APBB2: variants seen among roughly 807,000 people sequenced by gnomAD.
The protein encoded by APBB2 is amyloid beta precursor protein binding family B member 2.
APBB2 carries 38 observed loss-of-function variants against 82.5 expected under a neutral mutation model. The ratio of observed to expected loss-of-function variants is 0.46; its 90% CI spans 0.36 to 0.60. APBB2 has a LOEUF of 0.60. APBB2 is among the 20% of genes least tolerant of loss of function. The probability of loss-of-function intolerance (pLI) is 0.00; values close to 1 mark genes in which losing one functional copy is unlikely to be tolerated. For synonymous variants in APBB2, 341 were observed against 368.2 expected (o/e 0.93, Z 0.85); for missense variants, 772 against 972.3 (o/e 0.79, Z 2.74).
intron 2 of APBB2, among the ~76,000 whole-genome samples, chr4:41,124,295 T>C (rs907289234): frequency 2.0e-5 from 3 of 152,194 alleles, no homozygotes; most frequent in South Asian, 2.1e-4. Context: ...CTCGGCTCAC[T>C]GCAAGCTCCG....
At chr4:40,842,284 G>T in intron 12 of APBB2, 1 of 418,886 alleles carries the variant, frequency 2.4e-6, no homozygotes, top group South Asian at 1.6e-5. Context: ...TGTGAGGATG[G>T]CAATGCGACA....
chr4:40,885,967 A>G (rs1770109626), intron 12 of APBB2, among the ~76,000 whole-genome samples: 1 of 152,184 alleles, frequency 6.6e-6, no homozygotes, highest in African/African-American at 2.4e-5. Flanking sequence ...CCGTGGATTA[A>G]TCACTGATAG....
intron 12 of APBB2, chr4:40,848,944 A>G: frequency 1.0e-6 from 1 of 983,632 alleles, no homozygotes; most frequent in Non-Finnish European, 1.2e-6. Flanking sequence ...CTCCACCAAG[A>G]AAGTAAAGCT....
At chr4:40,936,155 A>G (rs1785317485) in intron 7 of APBB2, among the ~76,000 whole-genome samples, 1 of 152,250 alleles carries the variant, frequency 6.6e-6, no homozygotes, top group Admixed American at 6.5e-5. Context: ...ATAATGACCC[A>G]TAACTTTTAC....
At chr4:40,905,335 G>A (rs953546529) in intron 10 of APBB2, among the ~76,000 whole-genome samples, 9 of 152,100 alleles carry the variant, frequency 5.9e-5, no homozygotes, top group African/African-American at 7.2e-5. Flanking sequence ...CAGCGCACAC[G>A]CAATCATACA....
chr4:41,008,655 T>C (rs1807463912), intron 6 of APBB2, among the ~76,000 whole-genome samples: 1 of 152,226 alleles, frequency 6.6e-6, no homozygotes, highest in African/African-American at 2.4e-5. Context: ...ATCATGAATA[T>C]TCATTGAGCT....
chr4:40,936,785 C>T (rs577292915), intron 7 of APBB2, among the ~76,000 whole-genome samples: 58 of 152,296 alleles, frequency 3.8e-4, no homozygotes, highest in African/African-American at 1.3e-3. Flanking sequence ...TACCTTTCCC[C>T]TCACTCTACC....
intron 1 of APBB2, among the ~76,000 whole-genome samples, chr4:41,163,737 C>A (rs780810253): frequency 8.5e-5 from 13 of 152,156 alleles, no homozygotes; most frequent in Non-Finnish European, 1.5e-4. Flanking sequence ...ATTTTGATTT[C>A]TCTGAGGCCT....
At chr4:41,168,115 A>G (rs1767175183) in intron 1 of APBB2, among the ~76,000 whole-genome samples, 2 of 151,974 alleles carry the variant, frequency 1.3e-5, no homozygotes, top group South Asian at 2.1e-4. Flanking sequence ...CTAAAAATAC[A>G]AAAATTGGCC....
chr4:40,881,043 C>G (rs1420642956), intron 12 of APBB2: 2 of 985,260 alleles, frequency 2.0e-6, no homozygotes, highest in Non-Finnish European at 2.4e-6. Context: ...TTATTCTGTG[C>G]TGAAAGTATT....
At chr4:41,165,216 T>C (rs1326367974) in intron 1 of APBB2, among the ~76,000 whole-genome samples, 1 of 152,162 alleles carries the variant, frequency 6.6e-6, no homozygotes, top group Admixed American at 6.5e-5. Context: ...CTTAACTGTT[T>C]CCTCACTGCA....
At chr4:41,098,657 T>C (rs1744360813) in intron 3 of APBB2, among the ~76,000 whole-genome samples, 1 of 152,216 alleles carries the variant, frequency 6.6e-6, no homozygotes, top group Non-Finnish European at 1.5e-5. Flanking sequence ...TATTTTGGTA[T>C]AATGTAAAGA....
chr4:40,853,843 G>A (rs1760278272), intron 12 of APBB2, among the ~76,000 whole-genome samples: 1 of 152,124 alleles, frequency 6.6e-6, no homozygotes, highest in African/African-American at 2.4e-5. Flanking sequence ...CCTAGGACAG[G>A]CTGCCTCCTG....
chr4:41,193,892 T>C, intron 1 of APBB2: 2 of 152,252 alleles, frequency 1.3e-5, no homozygotes, highest in Non-Finnish European at 2.9e-5. Flanking sequence ...TGAAAACATC[T>C]AGAACAGTGT....
intron 17 of APBB2, among the ~76,000 whole-genome samples, chr4:40,818,024 G>A (rs2437298): frequency 0.79 from 120,496 of 152,200 alleles, 47,886 homozygotes; most frequent in Admixed American, 0.83. Context: ...TTCATAAAGG[G>A]TCCCTCTCTG....
chr4:40,907,740 T>C (rs1403031846), intron 10 of APBB2, among the ~76,000 whole-genome samples: 4 of 146,702 alleles, frequency 2.7e-5, no homozygotes, highest in Admixed American at 1.4e-4. Flanking sequence ...AATGGCGCGA[T>C]CTTAGCTCAC....
chr4:41,023,072 T>C (rs1485808061), intron 5 of APBB2, among the ~76,000 whole-genome samples: 1 of 152,188 alleles, frequency 6.6e-6, no homozygotes, highest in Non-Finnish European at 1.5e-5. Context: ...CTTACTCAAC[T>C]CTACCGTGGC....
chr4:41,191,119 G>T (rs1774313378), intron 1 of APBB2, among the ~76,000 whole-genome samples: 1 of 152,186 alleles, frequency 6.6e-6, no homozygotes, highest in Non-Finnish European at 1.5e-5. Context: ...TGCCTATCCA[G>T]GAAGGAGAAC....
At chr4:40,859,950 T>C (rs1426620904) in intron 12 of APBB2, among the ~76,000 whole-genome samples, 1 of 152,224 alleles carries the variant, frequency 6.6e-6, no homozygotes. Context: ...AGCCCAAAAG[T>C]TGATTCCTTT....
Sources: gnomAD v4.1 joint callset for allele counts (sites outside exome capture counted in the v4.1 genomes callset) on GRCh38, gnomAD v4.1.1 for gene constraint, MANE v1.5 for transcripts, NCBI Gene and HGNC (gene_info 2026-07-23, HGNC 2026-07-21) for gene names.